The following INPP4B variants were observed in gnomAD, a reference collection of about 807,000 sequenced individuals.
The protein encoded by INPP4B is inositol polyphosphate-4-phosphatase type II B.
INPP4B carries 55 observed loss-of-function variants against 122.5 expected under a neutral mutation model. That is an observed-to-expected ratio of 0.45 (90% CI 0.36 to 0.56). The LOEUF (loss-of-function observed/expected upper bound fraction) is 0.56. Ranked by LOEUF, INPP4B falls within the 20% of genes least tolerant of loss-of-function variation. INPP4B has a pLI of 0.00. For synonymous variants in INPP4B, 403 were observed against 388.7 expected, an observed-to-expected ratio of 1.04 and a Z score of -0.43; for missense variants, 1,000 against 1,097.7, an observed-to-expected ratio of 0.91 and a Z score of 1.26.
intron 2 of INPP4B, among the ~76,000 whole-genome samples, chr4:142,721,737 C>T (rs1249018944): frequency 1.3e-5 from 2 of 152,092 alleles, no homozygotes; most frequent in South Asian, 2.1e-4. Flanking sequence ...AGGAGAATTG[C>T]TTGAACCCGG....
chr4:142,759,825 T>TAAAAAAAAAAAAAAAAAA (rs70949188), intron 1 of INPP4B, among the ~76,000 whole-genome samples: 42 of 70,044 alleles, frequency 6.0e-4, no homozygotes, highest in African/African-American at 1.6e-3. Context: ...GAGCTTTTTC[T>TAAAAAAAAAAAAAAAAAA]AAAAAAAAAA....
chr4:142,764,565 G>C (rs1183136758), intron 1 of INPP4B, among the ~76,000 whole-genome samples: 1 of 152,072 alleles, frequency 6.6e-6, no homozygotes, highest in Non-Finnish European at 1.5e-5. Context: ...CAAGAACAAA[G>C]AGAAACCAGC....
chr4:142,057,437 A>G (rs931615734), intron 25 of INPP4B, among the ~76,000 whole-genome samples: 2 of 151,970 alleles, frequency 1.3e-5, no homozygotes, highest in Non-Finnish European at 2.9e-5. Flanking sequence ...ATCTATGTTC[A>G]TTTATGATTA....
At position 142,320,607 on chromosome 4, in the gene INPP4B, G is replaced by A. The variant is rs180951311; in HGVS notation, c.373-5845C>T. 2.4e-3 allele frequency among the ~76,000 whole-genome samples: 370 copies of A among 152,292 alleles called. 3 individuals are homozygous for A. Among genetic ancestry groups the A allele is most frequent in the African/African-American group, 8.4e-3 (349 of 41,550 alleles). ...TTTTGGTGCACCCATCACCTGAGCAGTGTACAGTGTGTCCAATGTGTAGCC... is the reference window on the plus strand; with the variant it reads ...TTTTGGTGCACCCATCACCTGAGCAATGTACAGTGTGTCCAATGTGTAGCC... On this transcript the variant is annotated intron_variant, in intron 7 of 25. Coordinates refer to ENST00000262992, the MANE Select transcript of INPP4B (RefSeq NM_001101669.3).
chr4:142,318,687 C>T (rs1768792817), intron 7 of INPP4B, among the ~76,000 whole-genome samples: 3 of 152,020 alleles, frequency 2.0e-5, no homozygotes, highest in Non-Finnish European at 4.4e-5. Context: ...TGTAGAAAAC[C>T]ATGTTTCCTA....
chr4:142,213,166 TGA>T (rs1367266952), intron 12 of INPP4B, among the ~76,000 whole-genome samples: 2 of 152,156 alleles, frequency 1.3e-5, no homozygotes, highest in African/African-American at 4.8e-5. Context: ...GAAGGCACTG[TGA>T]GAGGAAATGC....
At chr4:142,166,972 A>C (rs111472248) in intron 16 of INPP4B, among the ~76,000 whole-genome samples, 7,042 of 151,784 alleles carry the variant, frequency 0.046, 391 homozygotes, top group East Asian at 0.16. Flanking sequence ...ATTATGGAAG[A>C]CAGTAGCGTG....
intron 7 of INPP4B, among the ~76,000 whole-genome samples, chr4:142,320,908 T>C (rs1769759106): frequency 6.6e-6 from 1 of 152,234 alleles, no homozygotes; most frequent in African/African-American, 2.4e-5. Flanking sequence ...TTTTTGCAAT[T>C]ATGAATTCTG....
intron 16 of INPP4B, 33 bp from the exon 17 acceptor site, chr4:142,160,594 T>C (rs1157840493): frequency 6.6e-7 from 1 of 1,510,686 alleles, no homozygotes; most frequent in Middle Eastern, 1.8e-4. Context: ...TAGAAACACC[T>C]TGGTAGGCAT....
intron 14 of INPP4B, among the ~76,000 whole-genome samples, chr4:142,207,173 T>C (rs750301219): frequency 6.6e-6 from 1 of 152,146 alleles, no homozygotes; most frequent in Non-Finnish European, 1.5e-5. Flanking sequence ...TCTTTGTACA[T>C]AACACAATTT....
intron 4 of INPP4B, among the ~76,000 whole-genome samples, chr4:142,430,734 A>C (rs890704104): frequency 2.6e-5 from 4 of 152,060 alleles, no homozygotes; most frequent in African/African-American, 9.7e-5. Context: ...TTTCTAGTGT[A>C]ACAATTTTTT....
chr4:142,544,396 A>G (rs1270952760), intron 2 of INPP4B, among the ~76,000 whole-genome samples: 1 of 152,080 alleles, frequency 6.6e-6, no homozygotes, highest in Non-Finnish European at 1.5e-5. Flanking sequence ...AAGAGCATGG[A>G]AAGAGACCAC....
chr4:142,287,133 A>G (rs3775680), intron 9 of INPP4B: 17,134 of 152,194 alleles, frequency 0.11, 1,088 homozygotes, highest in South Asian at 0.23. Flanking sequence ...TCCTACAAGC[A>G]TCTTCATCTT....
chr4:142,615,168 G>C (rs1286143975), intron 2 of INPP4B, among the ~76,000 whole-genome samples: 1 of 151,970 alleles, frequency 6.6e-6, no homozygotes, highest in Non-Finnish European at 1.5e-5. Flanking sequence ...GAGTCAGTAT[G>C]ACTGACTATG....
At chr4:142,109,219 C>G (rs1429697239) in intron 22 of INPP4B, among the ~76,000 whole-genome samples, 1 of 151,744 alleles carries the variant, frequency 6.6e-6, no homozygotes, top group Non-Finnish European at 1.5e-5. Flanking sequence ...TAAAGCTTCC[C>G]AAATACCACA....
At chr4:142,169,920 T>C (rs911560532) in intron 16 of INPP4B, among the ~76,000 whole-genome samples, 3 of 151,700 alleles carry the variant, frequency 2.0e-5, no homozygotes, top group African/African-American at 4.8e-5. Flanking sequence ...CTCAATGGAA[T>C]GGAGAAAGTG....
rs900498560 is a variant in INPP4B, at chr4:142,042,655, C to T, written c.2643-13741G>A. ...TCAGCTCACTGCAACCTCCGCCTCC[C>T]GGGTTCAAGCGATTCTCCTGCCTCA... On this transcript the variant is annotated intron_variant, in intron 25 of 25. Coordinates refer to ENST00000262992, the MANE Select transcript of INPP4B (RefSeq NM_001101669.3). Among the ~76,000 whole-genome samples the T allele has an allele frequency of 9.9e-5, 15 of 152,182 alleles. No homozygotes were observed. In the South Asian group the frequency reaches 2.1e-3, roughly 21 times the overall value.
chr4:142,084,598 T>C (rs1775822051), intron 24 of INPP4B, among the ~76,000 whole-genome samples: 1 of 152,170 alleles, frequency 6.6e-6, no homozygotes, highest in African/African-American at 2.4e-5. Flanking sequence ...GATTTACAAA[T>C]AGAATATTGA....
intron 25 of INPP4B, chr4:142,030,074 T>C: frequency 6.9e-7 from 1 of 1,451,024 alleles, no homozygotes; most frequent in Non-Finnish European, 9.1e-7. Context: ...ATTGTCCCCA[T>C]AATTTAAAGT....
Sources: gnomAD v4.1 joint callset for allele counts (sites outside exome capture counted in the v4.1 genomes callset) on GRCh38, gnomAD v4.1.1 for gene constraint, MANE v1.5 for transcripts, NCBI Gene and HGNC (gene_info 2026-07-23, HGNC 2026-07-21) for gene names.